LYPD6B: variants seen among roughly 807,000 people sequenced by gnomAD.
The protein encoded by LYPD6B is LY6/PLAUR domain containing 6B.
A neutral mutation model predicts 22.8 loss-of-function variants in LYPD6B; 17 were observed. That is an observed-to-expected ratio of 0.75 (90% CI 0.51 to 1.12). The LOEUF (loss-of-function observed/expected upper bound fraction) is 1.12. Among genes scored for constraint, LYPD6B ranks in the 50% most tolerant of loss-of-function variants. The pLI is 0.00. For missense variants in LYPD6B, 221 were observed against 258.3 expected (o/e 0.86, Z 0.99); for synonymous variants, 106 against 91.6 (o/e 1.16, Z -0.90).
intron 5 of LYPD6B, among the ~76,000 whole-genome samples, 151 bp downstream of exon 5, chr2:149,208,563 G>C (rs1273008794): frequency 6.6e-6 from 1 of 152,154 alleles, no homozygotes; most frequent in Non-Finnish European, 1.5e-5. Flanking sequence ...TGGTGTCAAA[G>C]ACTCTAACTG....
chr2:149,160,706 A>C lies in LYPD6B; in HGVS notation c.6-58A>C, dbSNP rs537261574. 3.8e-5 allele frequency: 46 copies of C among 1,226,132 alleles called. No homozygotes were observed. The African/African-American group carries it at 6.9e-4, about 18-fold the overall frequency. 76.0% of individuals were successfully genotyped at this position (1,226,132 alleles called of 1,614,324 possible). ...TTGTTAGAAAACATTCCAGTTGTTC[A>C]AGAACGTTACTCATCGTCAGCAGTG... is the stretch of plus-strand genomic sequence containing the variant. On this transcript the variant is annotated intron_variant, in intron 2 of 6. Coordinates refer to ENST00000409642, the MANE Select transcript of LYPD6B (RefSeq NM_177964.5).
chr2:149,161,217 G>GTGAA (rs1362493489), intron 3 of LYPD6B, among the ~76,000 whole-genome samples: 1 of 152,172 alleles, frequency 6.6e-6, no homozygotes, highest in Non-Finnish European at 1.5e-5. Context: ...TCTGCATTAA[G>GTGAA]TGAAATACAT....
At chr2:149,074,672 G>C (rs901283480) in intron 1 of LYPD6B, among the ~76,000 whole-genome samples, 2 of 152,204 alleles carry the variant, frequency 1.3e-5, no homozygotes, top group African/African-American at 4.8e-5. Context: ...TAAATGAAGG[G>C]AGGTTCCCTC....
At chr2:149,186,571 A>T (rs1692118848) in intron 3 of LYPD6B, among the ~76,000 whole-genome samples, 2 of 152,216 alleles carry the variant, frequency 1.3e-5, no homozygotes, top group African/African-American at 4.8e-5. Flanking sequence ...AAGATCATTG[A>T]TGAAGGTAGT....
intron 3 of LYPD6B, among the ~76,000 whole-genome samples, chr2:149,163,151 C>T (rs1690194551): frequency 6.6e-6 from 1 of 152,166 alleles, no homozygotes; most frequent in Non-Finnish European, 1.5e-5. Context: ...CTGTGAACAT[C>T]TCATCAGCTC....
At chr2:149,047,401 T>C (rs1210145354) in intron 1 of LYPD6B, among the ~76,000 whole-genome samples, 5 of 152,244 alleles carry the variant, frequency 3.3e-5, no homozygotes, top group Admixed American at 3.3e-4. Context: ...AATTCAGGAC[T>C]TTAAAAATGT....
At chr2:149,089,239 T>A (rs1357029414) in intron 1 of LYPD6B, among the ~76,000 whole-genome samples, 1 of 152,186 alleles carries the variant, frequency 6.6e-6, no homozygotes, top group African/African-American at 2.4e-5. Flanking sequence ...TAGTTCATCT[T>A]CTGTTGTATA....
chr2:149,120,744 A>G (rs1687293903), intron 1 of LYPD6B, among the ~76,000 whole-genome samples: 2 of 144,130 alleles, frequency 1.4e-5, no homozygotes, highest in African/African-American at 5.3e-5. Context: ...TCTATTTATC[A>G]TTATTAATAT....
chr2:149,158,291 G>A (rs1375642948), intron 2 of LYPD6B, among the ~76,000 whole-genome samples: 1 of 151,966 alleles, frequency 6.6e-6, no homozygotes, highest in Non-Finnish European at 1.5e-5. Flanking sequence ...TGATTCCAGG[G>A]TAAACAAAAT....
At chr2:149,075,065 T>C (rs10497054) in intron 1 of LYPD6B, among the ~76,000 whole-genome samples, 66,859 of 152,038 alleles carry the variant, frequency 0.44, 15,168 homozygotes, top group African/African-American at 0.53. Flanking sequence ...TCATAAAACA[T>C]GGTGAGCCAA....
rs116495143 is a variant in LYPD6B, at chr2:149,114,086, G to A, written c.-66-16797G>A. Among the ~76,000 whole-genome samples the A allele has an allele frequency of 4.8e-3, 728 of 152,188 alleles. 5 individuals are homozygous for A. Among genetic ancestry groups the A allele is most frequent in the African/African-American group, 0.017 (689 of 41,542 alleles). ...AGGGAATCTGTGGACAGAACTTCAAGGACTTGACCTGATACTAGTTGAGGC... is the reference window on the plus strand; with the variant it reads ...AGGGAATCTGTGGACAGAACTTCAAAGACTTGACCTGATACTAGTTGAGGC... On this transcript the variant is annotated intron_variant, in intron 1 of 6. Transcript: ENST00000409642.
At chr2:149,190,312 A>G (rs753021802) in intron 3 of LYPD6B, among the ~76,000 whole-genome samples, 2 of 152,068 alleles carry the variant, frequency 1.3e-5, no homozygotes, top group Non-Finnish European at 2.9e-5. Flanking sequence ...GTGTGCACGT[A>G]TCTATATTCC....
chr2:149,047,123 T>C (rs1471660953), intron 1 of LYPD6B, among the ~76,000 whole-genome samples: 1 of 152,240 alleles, frequency 6.6e-6, no homozygotes, highest in Admixed American at 6.5e-5. Context: ...AAAATAATTT[T>C]GTTTGATTTT....
intron 1 of LYPD6B, among the ~76,000 whole-genome samples, chr2:149,089,342 G>A (rs546699428): frequency 6.6e-6 from 1 of 152,270 alleles, no homozygotes; most frequent in East Asian, 1.9e-4. Context: ...GGATGGGGAG[G>A]CTGCTTCTGG....
chr2:149,105,376 G>T (rs866883451), intron 1 of LYPD6B, among the ~76,000 whole-genome samples: 1 of 152,030 alleles, frequency 6.6e-6, no homozygotes, highest in Non-Finnish European at 1.5e-5. Context: ...TTGATTGTAT[G>T]GTGTATATAA....
intron 2 of LYPD6B, among the ~76,000 whole-genome samples, chr2:149,138,874 A>G (rs1341332746): frequency 2.6e-5 from 4 of 152,192 alleles, no homozygotes; most frequent in African/African-American, 9.6e-5. Flanking sequence ...TTAAGAACAC[A>G]CAGAAGCATA....
intron 3 of LYPD6B, among the ~76,000 whole-genome samples, chr2:149,173,203 G>T (rs1459043594): frequency 1.3e-5 from 2 of 151,420 alleles, no homozygotes; most frequent in Admixed American, 1.3e-4. Flanking sequence ...AAAAGACATG[G>T]TGTTTGTAAT....
intron 1 of LYPD6B, among the ~76,000 whole-genome samples, chr2:149,052,408 A>G (rs1449661086): frequency 6.6e-6 from 1 of 152,176 alleles, no homozygotes; most frequent in Non-Finnish European, 1.5e-5. Flanking sequence ...GCTATGGCCA[A>G]ATGAGGAGGT....
chr2:149,069,907 C>CTT (rs201360515), intron 1 of LYPD6B, among the ~76,000 whole-genome samples: 3 of 141,598 alleles, frequency 2.1e-5, no homozygotes, highest in African/African-American at 5.2e-5. Context: ...AGCTGTACAA[C>CTT]TTTTTTTTTT....
Sources: gnomAD v4.1 joint callset for allele counts (sites outside exome capture counted in the v4.1 genomes callset) on GRCh38, gnomAD v4.1.1 for gene constraint, MANE v1.5 for transcripts, NCBI Gene and HGNC (gene_info 2026-07-23, HGNC 2026-07-21) for gene names.